Variants in TAFA2 observed in about 807,000 individuals in gnomAD.
TAFA2 encodes the protein TAFA chemokine like family member 2.
TAFA2 carries 7 observed loss-of-function variants against 18.8 expected under a neutral mutation model. That is an observed-to-expected ratio of 0.37 (90% CI 0.21 to 0.70). TAFA2 has a LOEUF of 0.70. Ranked by LOEUF, TAFA2 falls within the 30% of genes least tolerant of loss-of-function variation. The pLI is 0.53. For synonymous variants in TAFA2, 60 were observed against 54.2 expected (o/e 1.11, Z -0.47); for missense variants, 122 against 158.1 (o/e 0.77, Z 1.23).
At chr12:61,837,775 G>A (rs1013078206) in intron 2 of TAFA2, among the ~76,000 whole-genome samples, 2 of 151,846 alleles carry the variant, frequency 1.3e-5, no homozygotes, top group Non-Finnish European at 2.9e-5. Flanking sequence ...AAGAGATGGC[G>A]AACAAATTAT....
intron 1 of TAFA2, among the ~76,000 whole-genome samples, chr12:62,065,749 T>G (rs1261823806): frequency 2.6e-5 from 4 of 151,504 alleles, no homozygotes; most frequent in Middle Eastern, 3.2e-3. Flanking sequence ...TTAGTAGGGG[T>G]AGAACTAAAA....
At chr12:61,839,072 C>G (rs1873062299) in intron 2 of TAFA2, among the ~76,000 whole-genome samples, 1 of 152,008 alleles carries the variant, frequency 6.6e-6, no homozygotes, top group African/African-American at 2.4e-5. Flanking sequence ...GACTTGCTTT[C>G]TCAGATATTA....
At chr12:62,125,360 C>A (rs1167218625) in intron 1 of TAFA2, among the ~76,000 whole-genome samples, 2 of 152,088 alleles carry the variant, frequency 1.3e-5, no homozygotes, top group East Asian at 3.9e-4. Flanking sequence ...CTACACAGAT[C>A]ACATGCCCAT....
chr12:61,798,203 T>C (rs1489993154), intron 2 of TAFA2, among the ~76,000 whole-genome samples: 1 of 152,228 alleles, frequency 6.6e-6, no homozygotes, highest in Non-Finnish European at 1.5e-5. Flanking sequence ...TGCTATTAAA[T>C]TGCTTTCATG....
At chr12:61,932,322 A>T (rs987828216) in intron 1 of TAFA2, among the ~76,000 whole-genome samples, 2 of 152,216 alleles carry the variant, frequency 1.3e-5, no homozygotes, top group Admixed American at 6.5e-5. Flanking sequence ...AGAAACTTTA[A>T]GGTAGTAACC....
intron 1 of TAFA2, among the ~76,000 whole-genome samples, chr12:62,060,136 A>G (rs1882305351): frequency 6.6e-6 from 1 of 152,222 alleles, no homozygotes; most frequent in East Asian, 1.9e-4. Context: ...ACAGGCTTTT[A>G]GTCTCTAAAA....
intron 2 of TAFA2, among the ~76,000 whole-genome samples, chr12:61,775,707 A>C (rs533147246): frequency 6.6e-6 from 1 of 152,026 alleles, no homozygotes; most frequent in South Asian, 2.1e-4. Context: ...ATAATAGTGG[A>C]TACATGTCAT....
intron 1 of TAFA2, among the ~76,000 whole-genome samples, chr12:62,039,869 A>G (rs568598196): frequency 1.4e-4 from 22 of 152,342 alleles, no homozygotes; most frequent in Admixed American, 1.2e-3. Flanking sequence ...ATTCTGATTC[A>G]GTAGCTTGAG....
rs550808095 is a variant in TAFA2, at chr12:62,175,783, G to A, written c.-2+15476C>T. Among the ~76,000 whole-genome samples the A allele has an allele frequency of 2.2e-3, 330 of 151,726 alleles. 1 individual carries two copies. Among genetic ancestry groups the A allele is most frequent in the Non-Finnish European group, 4.0e-3 (270 of 67,914 alleles). ...AGCAATACTTATTGATAATTAAGGC[G>A]AATTATCAACAATTACTATTCCATT... On this transcript the variant is annotated intron_variant, in intron 1 of 4. Transcript: ENST00000416284.
chr12:61,739,897 T>C (rs2120694120), intron 4 of TAFA2, among the ~76,000 whole-genome samples: 1 of 152,212 alleles, frequency 6.6e-6, no homozygotes, highest in East Asian at 1.9e-4. Flanking sequence ...ATATTCAATT[T>C]GATTTCTTTC....
intron 4 of TAFA2, among the ~76,000 whole-genome samples, chr12:61,727,751 G>A (rs1189045196): frequency 6.6e-6 from 1 of 151,678 alleles, no homozygotes; most frequent in Non-Finnish European, 1.5e-5. Context: ...TCTTCTGCTG[G>A]GTATGGGTTT....
At chr12:62,002,965 C>T (rs1221167487) in intron 1 of TAFA2, among the ~76,000 whole-genome samples, 1 of 152,130 alleles carries the variant, frequency 6.6e-6, no homozygotes, top group Non-Finnish European at 1.5e-5. Context: ...TGTCCTTCAC[C>T]CATCTGACAT....
At chr12:62,232,925 A>AC (rs1215959673) in intron 1 of TAFA2, among the ~76,000 whole-genome samples, 12 of 151,446 alleles carry the variant, frequency 7.9e-5, no homozygotes, top group Admixed American at 6.6e-4. Flanking sequence ...TCCAATCACC[A>AC]CCCCACCTCC....
chr12:61,961,940 A>G (rs1878900656), intron 1 of TAFA2, among the ~76,000 whole-genome samples: 1 of 152,010 alleles, frequency 6.6e-6, no homozygotes, highest in South Asian at 2.1e-4. Context: ...CTTCATTTTG[A>G]TTTCAGAACA....
At chr12:61,858,195 T>G (rs1873967126) in intron 2 of TAFA2, among the ~76,000 whole-genome samples, 2 of 152,208 alleles carry the variant, frequency 1.3e-5, no homozygotes, top group African/African-American at 2.4e-5. Flanking sequence ...CTTCCACCTG[T>G]AGGGGCAGGA....
At chr12:61,949,763 T>C (rs372247175) in intron 1 of TAFA2, among the ~76,000 whole-genome samples, 1 of 152,218 alleles carries the variant, frequency 6.6e-6, no homozygotes, top group African/African-American at 2.4e-5. Context: ...TTTTATTTCA[T>C]GTACTTTTAT....
chr12:62,079,500 A>T (rs1298287304), intron 1 of TAFA2, among the ~76,000 whole-genome samples: 5 of 131,174 alleles, frequency 3.8e-5, no homozygotes, highest in Non-Finnish European at 7.6e-5. Context: ...TAAAAATACA[A>T]AAAAAAAAAA....
At chr12:61,876,348 T>C (rs1349529758) in intron 1 of TAFA2, among the ~76,000 whole-genome samples, 1 of 152,130 alleles carries the variant, frequency 6.6e-6, no homozygotes, top group East Asian at 1.9e-4. Context: ...ACGAAAACAA[T>C]CTTTAAGAGT....
intron 2 of TAFA2, among the ~76,000 whole-genome samples, chr12:61,851,179 T>C (rs756452476): frequency 2.0e-5 from 3 of 152,118 alleles, no homozygotes; most frequent in Non-Finnish European, 4.4e-5. Flanking sequence ...TAGTTACAAT[T>C]GTGATGAGAT....
Sources: gnomAD v4.1 joint callset for allele counts (sites outside exome capture counted in the v4.1 genomes callset) on GRCh38, gnomAD v4.1.1 for gene constraint, MANE v1.5 for transcripts, NCBI Gene and HGNC (gene_info 2026-07-23, HGNC 2026-07-21) for gene names.